The following RCOR3 variants were observed in gnomAD, a reference collection of about 807,000 sequenced individuals.
The protein encoded by RCOR3 is REST corepressor 3.
In RCOR3, 13 loss-of-function variants were observed where a neutral mutation model predicts 64.1. The observed-to-expected ratio is 0.20, with a 90% CI of 0.13 to 0.32. The LOEUF is 0.32. RCOR3 is among the 10% of genes least tolerant of loss of function. The pLI, the probability that RCOR3 is intolerant of heterozygous loss-of-function variation, is 1.00. For synonymous variants in RCOR3, 215 were observed against 239.0 expected, an observed-to-expected ratio of 0.90 and a Z score of 0.93; for missense variants, 489 against 701.2, an observed-to-expected ratio of 0.70 and a Z score of 3.42.
chr1:211,264,688 AAAG>A (rs1161928344), intron 2 of RCOR3, among the ~76,000 whole-genome samples: 3 of 152,228 alleles, frequency 2.0e-5, no homozygotes. Flanking sequence ...GGTCTCAAAA[AAAG>A]AAAGAATTAT....
At chr1:211,262,336 A>G (rs988458949) in intron 2 of RCOR3, among the ~76,000 whole-genome samples, 1 of 152,104 alleles carries the variant, frequency 6.6e-6, no homozygotes, top group African/African-American at 2.4e-5. Context: ...CGCCCAGCCT[A>G]TAAAAACTAA....
At chr1:211,259,994 C>A in intron 1 of RCOR3, 114 bp from the exon 2 acceptor site, 8 of 1,400,156 alleles carry the variant, frequency 5.7e-6, no homozygotes, top group Non-Finnish European at 7.4e-6. Flanking sequence ...TCTTCCCATC[C>A]ACCCGCCGCT....
chr1:211,301,663 C>T (rs1287516192), intron 9 of RCOR3: 2 of 152,206 alleles, frequency 1.3e-5, no homozygotes, highest in Non-Finnish European at 2.9e-5. Flanking sequence ...TCTCAGTCTC[C>T]AACCTTTCCT....
chr1:211,272,901 G>A (rs147060920), intron 3 of RCOR3, among the ~76,000 whole-genome samples: 32 of 152,166 alleles, frequency 2.1e-4, no homozygotes, highest in African/African-American at 7.2e-4. Flanking sequence ...GATTACAGGC[G>A]TGAGCCACCG....
intron 8 of RCOR3, among the ~76,000 whole-genome samples, chr1:211,292,677 T>C (rs572405047): frequency 1.2e-4 from 18 of 152,340 alleles, no homozygotes; most frequent in African/African-American, 3.1e-4. Context: ...ACCATAGTTA[T>C]CTGTTCCACG....
intron 2 of RCOR3, among the ~76,000 whole-genome samples, chr1:211,268,312 T>G (rs1435953439): frequency 6.6e-6 from 1 of 151,660 alleles, no homozygotes; most frequent in Non-Finnish European, 1.5e-5. Context: ...GGTTAAAACT[T>G]AAATATGTAT....
At chr1:211,293,724 G>A (rs1162449569) in intron 8 of RCOR3, among the ~76,000 whole-genome samples, 1 of 152,054 alleles carries the variant, frequency 6.6e-6, no homozygotes, top group African/African-American at 2.4e-5. Flanking sequence ...TTTTATCTCT[G>A]TATGTCTATC....
At chr1:211,272,612 CT>C (rs768152573) in intron 3 of RCOR3, among the ~76,000 whole-genome samples, 26 of 43,518 alleles carry the variant, frequency 6.0e-4, no homozygotes, top group African/African-American at 1.8e-3. Context: ...GGATGTCTTA[CT>C]TTTTTTTTTT....
At chr1:211,304,605 C>G (rs1700683154) in intron 10 of RCOR3, among the ~76,000 whole-genome samples, 1 of 152,022 alleles carries the variant, frequency 6.6e-6, no homozygotes, top group Admixed American at 6.6e-5. Context: ...TTCATACTTC[C>G]CTTAAGAGAT....
intron 4 of RCOR3, among the ~76,000 whole-genome samples, chr1:211,275,918 A>AT (rs1035475370): frequency 1.3e-5 from 2 of 152,018 alleles, no homozygotes; most frequent in East Asian, 1.9e-4. Context: ...CTTTTAGCAA[A>AT]TTTTTTCCTA....
chr1:211,289,869 GA>G (rs1699031763), intron 8 of RCOR3, among the ~76,000 whole-genome samples: 1 of 152,150 alleles, frequency 6.6e-6, no homozygotes, highest in Non-Finnish European at 1.5e-5. Context: ...TCAGCATCTA[GA>G]GTCAGTGAAC....
At chr1:211,276,755 C>A (rs945004788) in intron 5 of RCOR3, among the ~76,000 whole-genome samples, 14 of 151,794 alleles carry the variant, frequency 9.2e-5, no homozygotes, top group Non-Finnish European at 1.9e-4. Context: ...GGATTTTTTC[C>A]AATTTATATA....
chr1:211,261,722 C>G (rs1694303250), intron 2 of RCOR3, among the ~76,000 whole-genome samples: 1 of 151,710 alleles, frequency 6.6e-6, no homozygotes, highest in Non-Finnish European at 1.5e-5. Flanking sequence ...GAGATCAAGA[C>G]CATCCTGGCT....
intron 7 of RCOR3, among the ~76,000 whole-genome samples, chr1:211,287,458 T>A (rs889890504): frequency 9.2e-5 from 14 of 152,234 alleles, no homozygotes; most frequent in Admixed American, 6.5e-4. Context: ...CAGAAGTGAA[T>A]GTTAAAAGAC....
intron 2 of RCOR3, among the ~76,000 whole-genome samples, chr1:211,270,851 A>C (rs979452424): frequency 6.6e-6 from 1 of 151,106 alleles, no homozygotes; most frequent in Non-Finnish European, 1.5e-5. Flanking sequence ...ACAGAAATAA[A>C]GCTTACTTTT....
chr1:211,298,169 A>G (rs1700029429), intron 9 of RCOR3, among the ~76,000 whole-genome samples: 1 of 152,252 alleles, frequency 6.6e-6, no homozygotes, highest in South Asian at 2.1e-4. Context: ...TTTTAAAAAA[A>G]AAGAACTTGC....
At chr1:211,293,992 T>C (rs894830288) in intron 8 of RCOR3, among the ~76,000 whole-genome samples, 3 of 152,230 alleles carry the variant, frequency 2.0e-5, no homozygotes, top group African/African-American at 7.2e-5. Flanking sequence ...TAGGAAGGTT[T>C]CTTAACTTCT....
At chr1:211,295,375 T>C (rs923213804) in intron 8 of RCOR3, among the ~76,000 whole-genome samples, 2 of 152,184 alleles carry the variant, frequency 1.3e-5, no homozygotes, top group Non-Finnish European at 2.9e-5. Context: ...TGAGAAAAAT[T>C]GGTGGAATTT....
chr1:211,284,861 C>G (rs953528779), intron 7 of RCOR3, among the ~76,000 whole-genome samples: 1 of 152,220 alleles, frequency 6.6e-6, no homozygotes, highest in African/African-American at 2.4e-5. Flanking sequence ...TCTTTTTCAA[C>G]TGGTCTGCAA....
Sources: gnomAD v4.1 joint callset for allele counts (sites outside exome capture counted in the v4.1 genomes callset) on GRCh38, gnomAD v4.1.1 for gene constraint, MANE v1.5 for transcripts, NCBI Gene and HGNC (gene_info 2026-07-23, HGNC 2026-07-21) for gene names.